Variants in NSMCE2 observed in about 807,000 individuals in gnomAD.
NSMCE2 encodes NSE2 SUMO ligase component of SMC5/6 complex.
A neutral mutation model predicts 23.8 loss-of-function variants in NSMCE2; 24 were observed. The ratio of observed to expected loss-of-function variants is 1.01; its 90% CI spans 0.73 to 1.42. The LOEUF is 1.42. Ranked by LOEUF, NSMCE2 falls within the 40% of genes most tolerant of loss-of-function variation. NSMCE2 has a pLI of 0.00. For missense variants in NSMCE2, 284 were observed against 296.5 expected (o/e 0.96, Z 0.31); for synonymous variants, 92 against 94.1 (o/e 0.98, Z 0.13).
intron 3 of NSMCE2, among the ~76,000 whole-genome samples, chr8:125,150,043 C>G (rs774243416): frequency 4.6e-5 from 7 of 152,140 alleles, no homozygotes; most frequent in Non-Finnish European, 1.0e-4. Flanking sequence ...AGACTAGGGT[C>G]TCTGGATCAC....
Position 125,366,966 on chromosome 8 carries a change from G to A in NSMCE2, c.*81G>A. ...GTTGAGAGCAGTGCTGACCCCAGCA[G>A]TTAGGGACTGGCTGCATAGCATACT... On this transcript the variant is annotated 3_prime_UTR_variant, in exon 8 of 8. Coordinates refer to ENST00000287437, the MANE Select transcript of NSMCE2 (RefSeq NM_173685.4). 2 of 770,392 alleles carry A rather than the reference G, an allele frequency of 2.6e-6. No homozygotes were observed. Among genetic ancestry groups the A allele is most frequent in the East Asian group, 4.9e-5 (2 of 40,828 alleles). 47.7% of individuals were successfully genotyped at this position (770,392 alleles called of 1,614,324 possible). A position where few individuals can be genotyped will look rare whatever the true frequency, so the allele number is the denominator to read the frequency against.
intron 3 of NSMCE2, among the ~76,000 whole-genome samples, chr8:125,134,512 T>C (rs561801445): frequency 1.3e-5 from 2 of 152,296 alleles, no homozygotes; most frequent in East Asian, 3.9e-4. Context: ...ATTTTTCTAA[T>C]GATCATTAAA....
chr8:125,150,426 C>CTTTTTTTTTTTT (rs71295819), intron 3 of NSMCE2, among the ~76,000 whole-genome samples: 173 of 61,896 alleles, frequency 2.8e-3, no homozygotes, highest in Middle Eastern at 0.02. Flanking sequence ...TTCTTTCTTT[C>CTTTTTTTTTTTT]TTTTTTTTTT....
At chr8:125,273,400 G>T (rs1017145807) in intron 5 of NSMCE2, among the ~76,000 whole-genome samples, 1 of 152,232 alleles carries the variant, frequency 6.6e-6, no homozygotes, top group Non-Finnish European at 1.5e-5. Flanking sequence ...ATGGAAAACA[G>T]TGTGCGGTAA....
chr8:125,109,192 G>A (rs1004353463), intron 3 of NSMCE2, among the ~76,000 whole-genome samples: 16 of 152,206 alleles, frequency 1.1e-4, no homozygotes, highest in African/African-American at 3.6e-4. Flanking sequence ...TCTTATCCCA[G>A]TGCCCTCTCT....
chr8:125,256,871 C>T (rs1201269798), intron 5 of NSMCE2, among the ~76,000 whole-genome samples: 1 of 117,144 alleles, frequency 8.5e-6, no homozygotes. Context: ...TGCAGTGAGT[C>T]GAGATTGTGC....
At chr8:125,304,960 A>AAGAAAG (rs1563773764) in intron 5 of NSMCE2, among the ~76,000 whole-genome samples, 71 of 21,280 alleles carry the variant, frequency 3.3e-3, no homozygotes, top group African/African-American at 6.2e-3. Flanking sequence ...AGGAAGGAAG[A>AAGAAAG]AAGAAAGAAA....
chr8:125,127,267 A>G (rs1249627361), intron 3 of NSMCE2, among the ~76,000 whole-genome samples: 1 of 152,162 alleles, frequency 6.6e-6, no homozygotes, highest in East Asian at 1.9e-4. Flanking sequence ...AAGAATTTAA[A>G]GTGTATGTCT....
Position 125,149,355 on chromosome 8 carries a change from A to G in NSMCE2, c.158-1816A>G, listed in dbSNP as rs73704542. Reference sequence around the variant, plus strand: ...CATATGTTTTAAAAGCCAAATGTGAATGGACTTTACATTATTTCATTACTT... The same window carrying G: ...CATATGTTTTAAAAGCCAAATGTGAGTGGACTTTACATTATTTCATTACTT... On this transcript the variant is annotated intron_variant, in intron 3 of 7. Transcript: ENST00000287437. Among the ~76,000 whole-genome samples the G allele has an allele frequency of 4.2e-3, 633 of 152,262 alleles. 8 individuals are homozygous for G. Among genetic ancestry groups the G allele is most frequent in the African/African-American group, 0.015 (604 of 41,560 alleles).
intron 5 of NSMCE2, among the ~76,000 whole-genome samples, chr8:125,246,411 T>C (rs1024030949): frequency 1.3e-5 from 2 of 152,094 alleles, no homozygotes; most frequent in Admixed American, 6.6e-5. Context: ...CTCGATCTCC[T>C]GACCTTGTGA....
At chr8:125,184,842 A>G (rs890750948) in intron 5 of NSMCE2, among the ~76,000 whole-genome samples, 2 of 152,138 alleles carry the variant, frequency 1.3e-5, no homozygotes, top group Admixed American at 1.3e-4. Flanking sequence ...TGATATGTAA[A>G]TGAGCTAATG....
chr8:125,136,483 G>C (rs116567331), intron 3 of NSMCE2, among the ~76,000 whole-genome samples: 1 of 152,094 alleles, frequency 6.6e-6, no homozygotes, highest in Non-Finnish European at 1.5e-5. Context: ...ATATAGTTTG[G>C]TTCTGTTTGG....
At chr8:125,362,146 G>A (rs895036655) in intron 7 of NSMCE2, among the ~76,000 whole-genome samples, 3 of 152,192 alleles carry the variant, frequency 2.0e-5, no homozygotes, top group Non-Finnish European at 2.9e-5. Context: ...GCGATGATGC[G>A]GCAGCTGAAG....
chr8:125,154,589 CAGAT>C (rs1360816473), intron 4 of NSMCE2, among the ~76,000 whole-genome samples: 1 of 151,248 alleles, frequency 6.6e-6, no homozygotes, highest in Non-Finnish European at 1.5e-5. Context: ...AAAAAATTCT[CAGAT>C]AGTCTCTAAG....
chr8:125,223,552 A>G (rs1824963319), intron 5 of NSMCE2, among the ~76,000 whole-genome samples: 1 of 152,134 alleles, frequency 6.6e-6, no homozygotes, highest in Non-Finnish European at 1.5e-5. Flanking sequence ...GAACTTCCAT[A>G]CTGTTTTTCA....
chr8:125,323,365 G>A (rs1829529330), intron 5 of NSMCE2, among the ~76,000 whole-genome samples: 1 of 152,102 alleles, frequency 6.6e-6, no homozygotes, highest in East Asian at 1.9e-4. Flanking sequence ...GAAAAAAAAG[G>A]ACAAAGTTAG....
intron 5 of NSMCE2, among the ~76,000 whole-genome samples, chr8:125,243,965 A>G (rs1825859468): frequency 6.6e-6 from 1 of 152,188 alleles, no homozygotes; most frequent in African/African-American, 2.4e-5. Context: ...ATTTATAAAG[A>G]CATTCTGGAG....
chr8:125,212,256 A>G (rs963849780), intron 5 of NSMCE2, among the ~76,000 whole-genome samples: 1 of 152,148 alleles, frequency 6.6e-6, no homozygotes, highest in Admixed American at 6.5e-5. Flanking sequence ...TATCAATAAG[A>G]TTTTATGACC....
At chr8:125,165,946 A>G (rs778773824) in intron 4 of NSMCE2, among the ~76,000 whole-genome samples, 17 of 152,182 alleles carry the variant, frequency 1.1e-4, no homozygotes, top group Non-Finnish European at 2.2e-4. Context: ...GCTAGATGGG[A>G]GTGAACAGAG....
Sources: allele counts gnomAD v4.1 joint callset (sites outside exome capture counted in the v4.1 genomes callset), GRCh38; gene constraint gnomAD v4.1.1; transcripts MANE v1.5; gene names NCBI Gene and HGNC (gene_info 2026-07-23, HGNC 2026-07-21).